MEGF9: variants seen among roughly 807,000 people sequenced by gnomAD.
MEGF9 encodes multiple EGF like domains 9.
MEGF9 carries 6 observed loss-of-function variants against 46.8 expected under a neutral mutation model. That is an observed-to-expected ratio of 0.13 (90% CI 0.07 to 0.25). MEGF9 has a LOEUF of 0.25. Among genes scored for constraint, MEGF9 ranks in the 10% least tolerant of loss-of-function variants. MEGF9 has a pLI of 1.00. For missense variants in MEGF9, 683 were observed against 792.4 expected, an observed-to-expected ratio of 0.86 and a Z score of 1.66; for synonymous variants, 302 against 330.7, an observed-to-expected ratio of 0.91 and a Z score of 0.94.
At chr9:120,637,516 G>A (rs937038854) in intron 2 of MEGF9, among the ~76,000 whole-genome samples, 9 of 151,326 alleles carry the variant, frequency 5.9e-5, no homozygotes, top group East Asian at 1.9e-4. Context: ...GCTCCAGGCC[G>A]GGCGTGGTGG....
At chr9:120,612,059 T>C (rs2043449902) in intron 4 of MEGF9, among the ~76,000 whole-genome samples, 1 of 152,180 alleles carries the variant, frequency 6.6e-6, no homozygotes, top group African/African-American at 2.4e-5. Context: ...CAGGATTAAA[T>C]GAGTCAACTA....
intron 1 of MEGF9, among the ~76,000 whole-genome samples, chr9:120,710,577 G>A (rs1323841100): frequency 6.6e-6 from 1 of 152,074 alleles, no homozygotes; most frequent in Non-Finnish European, 1.5e-5. Context: ...TAACTGAGGG[G>A]CAGGCAAGAG....
At position 120,654,493 on chromosome 9, in the gene MEGF9, A is replaced by G. The variant is rs560959888; in HGVS notation, c.803+4881T>C. Among the ~76,000 whole-genome samples, 3 of 152,314 alleles carry G rather than the reference A, an allele frequency of 2.0e-5. No individual in the cohort carries two copies. The East Asian group carries it at 5.8e-4, about 29-fold the overall frequency. ...GGTAACACACTGCAACATATTACTCATGTGTTCATGGTGATGTTGGTGTAA... is the reference window on the plus strand; with the variant it reads ...GGTAACACACTGCAACATATTACTCGTGTGTTCATGGTGATGTTGGTGTAA... On this transcript the variant is annotated intron_variant, in intron 2 of 5. Transcript: ENST00000373930.
Position 120,605,687 on chromosome 9 carries a change from A to G in MEGF9, c.1358-46T>C, listed in dbSNP as rs1288562174. 7.3e-7 allele frequency: 1 copy of G among 1,363,626 alleles called. No individual in the cohort carries two copies. The highest frequency in any genetic ancestry group is 9.9e-7 in the Non-Finnish European group (1 of 1,005,914). 84.5% of individuals were successfully genotyped at this position (1,363,626 alleles called of 1,614,324 possible). ...TGAAATGTAAAAGACAAAATTATCTAGTTTTGAGAAACAATAAAAGAAATA... is the reference window on the plus strand; with the variant it reads ...TGAAATGTAAAAGACAAAATTATCTGGTTTTGAGAAACAATAAAAGAAATA... On this transcript the variant is annotated intron_variant, in intron 5 of 5. Coordinates refer to ENST00000373930, the MANE Select transcript of MEGF9 (RefSeq NM_001080497.3). The surrounding 1 kb of genome is among the most constrained non-coding windows in gnomAD (Gnocchi z 4.0).
At chr9:120,708,420 T>C (rs1259048123) in intron 1 of MEGF9, among the ~76,000 whole-genome samples, 1 of 152,160 alleles carries the variant, frequency 6.6e-6, no homozygotes, top group Non-Finnish European at 1.5e-5. Flanking sequence ...TCTGTAATAT[T>C]TTGTTTACAT....
intron 2 of MEGF9, among the ~76,000 whole-genome samples, chr9:120,645,816 C>A (rs894594405): frequency 3.3e-5 from 5 of 152,166 alleles, no homozygotes; most frequent in Admixed American, 1.3e-4. Flanking sequence ...CTTTGGATTT[C>A]TTTTCAGTAA....
intron 2 of MEGF9, among the ~76,000 whole-genome samples, chr9:120,654,696 C>G: frequency 6.6e-6 from 1 of 152,120 alleles, no homozygotes; most frequent in Non-Finnish European, 1.5e-5. Context: ...AGAACAGCCT[C>G]AGGCAGTTTC....
rs151001834 is a variant in MEGF9, at chr9:120,641,083, C to A, written c.803+18291G>T. 3.5e-3 allele frequency among the ~76,000 whole-genome samples: 528 copies of A among 152,126 alleles called. 6 individuals are homozygous for A. Among genetic ancestry groups the A allele is most frequent in the African/African-American group, 0.012 (505 of 41,502 alleles). On this transcript the variant is annotated intron_variant, in intron 2 of 5. Transcript: ENST00000373930. The stretch of plus-strand genomic sequence containing the variant: ...ATAGTATTCCATGGTGTATATGTAC[C>A]ACATTTTCTTTATCCATTCTACAAT...
At chr9:120,645,984 G>A (rs1320445768) in intron 2 of MEGF9, among the ~76,000 whole-genome samples, 1 of 152,192 alleles carries the variant, frequency 6.6e-6, no homozygotes, top group Admixed American at 6.5e-5. Flanking sequence ...AGAATGGTAA[G>A]CACAGGGAGA....
At chr9:120,614,788 T>C (rs1391994131) in intron 3 of MEGF9, among the ~76,000 whole-genome samples, 1 of 149,832 alleles carries the variant, frequency 6.7e-6, no homozygotes, top group South Asian at 2.1e-4. Context: ...ATATAAAAAA[T>C]ACCTGAAAAA....
intron 1 of MEGF9, among the ~76,000 whole-genome samples, chr9:120,664,616 A>T (rs1042097688): frequency 6.6e-6 from 1 of 152,242 alleles, no homozygotes; most frequent in Admixed American, 6.5e-5. Flanking sequence ...CTAGAAGACT[A>T]CTTGTGGCTA....
chr9:120,673,761 T>C (rs2043760438), intron 1 of MEGF9, among the ~76,000 whole-genome samples: 1 of 149,182 alleles, frequency 6.7e-6, no homozygotes, highest in Non-Finnish European at 1.5e-5. Flanking sequence ...AGGTCAGGAG[T>C]TCAAGACTAG....
Position 120,667,707 on chromosome 9 carries a change from T to G in MEGF9, c.602-8132A>C, listed in dbSNP as rs887686204. Reference sequence around the variant, plus strand: ...GGAATACACAATTCAAACCTCTTCATGTACATCGAATGAGTCTTTAAAAAA... The same window carrying G: ...GGAATACACAATTCAAACCTCTTCAGGTACATCGAATGAGTCTTTAAAAAA... On this transcript the variant is annotated intron_variant, in intron 1 of 5. Coordinates refer to ENST00000373930, the MANE Select transcript of MEGF9 (RefSeq NM_001080497.3). Among the ~76,000 whole-genome samples, 151 of 152,288 alleles carry G rather than the reference T, an allele frequency of 9.9e-4. 1 individual carries two copies. Among genetic ancestry groups the G allele is most frequent in the African/African-American group, 3.6e-3 (148 of 41,568 alleles).
intron 1 of MEGF9, among the ~76,000 whole-genome samples, chr9:120,669,672 T>C (rs946106024): frequency 2.0e-5 from 3 of 151,804 alleles, no homozygotes; most frequent in Non-Finnish European, 4.4e-5. Context: ...TAGATATATA[T>C]CTAATACCAT....
chr9:120,695,601 CT>C (rs1344122019), intron 1 of MEGF9, among the ~76,000 whole-genome samples: 7 of 58,142 alleles, frequency 1.2e-4, no homozygotes, highest in African/African-American at 7.1e-4. Context: ...GAGACCCCAT[CT>C]CAAAAAAAAA....
At chr9:120,677,864 G>A (rs1354794249) in intron 1 of MEGF9, among the ~76,000 whole-genome samples, 1 of 152,132 alleles carries the variant, frequency 6.6e-6, no homozygotes, top group African/African-American at 2.4e-5. Context: ...AATTGTTCAT[G>A]TTTCGAGAGT....
intron 2 of MEGF9, 91 bp from the exon 3 acceptor site, chr9:120,622,846 A>C: frequency 1.4e-4 from 190 of 1,311,318 alleles, no homozygotes; most frequent in Non-Finnish European, 1.8e-4. Flanking sequence ...AGCCCAGCTC[A>C]TGTAAATCAT....
At position 120,713,897 on chromosome 9, in the gene MEGF9, C is replaced by T. The variant is rs767743710; in HGVS notation, c.462G>A (p.Pro154=). 2 of 1,326,700 alleles carry T rather than the reference C, an allele frequency of 1.5e-6. No individual in the cohort carries two copies. The highest frequency in any genetic ancestry group is 1.9e-6 in the Non-Finnish European group (2 of 1,034,190). 82.2% of individuals were successfully genotyped at this position (1,326,700 alleles called of 1,614,324 possible). ...TGGTCGCTACAGGGGTGGTCGGCGC[C>T]GGGCCAGTGGTCGTCGAAAGGGTGG... The part of the protein sequence containing the change: ...APTTLSTTTG[P]APTTPVATTV... The change falls in exon 1 of 6, where the codon CCG becomes CCA. Residue 154 remains proline (P), a synonymous_variant. Transcript: ENST00000373930.
chr9:120,686,889 G>A (rs1028443497), intron 1 of MEGF9, among the ~76,000 whole-genome samples: 2 of 152,086 alleles, frequency 1.3e-5, no homozygotes, highest in Non-Finnish European at 2.9e-5. Flanking sequence ...GGTTGGCAAT[G>A]GTAAACAGAG....
Sources: gnomAD v4.1 joint callset for allele counts (sites outside exome capture counted in the v4.1 genomes callset) on GRCh38, gnomAD v4.1.1 for gene constraint, Gnocchi (gnomAD v3.1) non-coding constraint, MANE v1.5 for transcripts, NCBI Gene and HGNC (gene_info 2026-07-23, HGNC 2026-07-21) for gene names.